The following METTL14 variants were observed in gnomAD, a reference collection of about 807,000 sequenced individuals.
METTL14 encodes the protein methyltransferase 14, N6-adenosine-methyltransferase non-catalytic subunit.
Under a neutral mutation model 62.4 loss-of-function variants are expected in METTL14, and 32 were observed. The ratio of observed to expected loss-of-function variants is 0.51; its 90% CI spans 0.39 to 0.69. The LOEUF is 0.69. Among genes scored for constraint, METTL14 ranks in the 30% least tolerant of loss-of-function variants. The pLI is 0.00. For missense variants in METTL14, 340 were observed against 551.9 expected, an observed-to-expected ratio of 0.62 and a Z score of 3.85; for synonymous variants, 150 against 180.0, an observed-to-expected ratio of 0.83 and a Z score of 1.34.
In METTL14 at chr4:118,712,150, A is replaced by G. The variant is rs1724939713; in HGVS notation, c.*1848A>G. The G allele has an allele frequency of 1.3e-5, 2 of 152,242 alleles. No homozygotes were observed. The allele number at this position is 152,242 out of a possible 1,614,324, so 9.4% of individuals were successfully genotyped here. The stretch of plus-strand genomic sequence containing the variant: ...CAATGAATCTGGCCTTTTTAATAGC[A>G]GGATGGAATTGATTCACTAGTTTTT... On this transcript the variant is annotated 3_prime_UTR_variant, in exon 11 of 11. Coordinates refer to ENST00000388822, the MANE Select transcript of METTL14 (RefSeq NM_020961.4).
intron 8 of METTL14, among the ~76,000 whole-genome samples, chr4:118,701,173 G>GTTTTTTTTTTTTTTT (rs370557403): frequency 3.5e-5 from 4 of 114,108 alleles, no homozygotes; most frequent in African/African-American, 8.8e-5. Flanking sequence ...TTTTATTGGA[G>GTTTTTTTTTTTTTTT]TTTTTTTTTG....
Position 118,700,778 on chromosome 4 carries a change from A to G in METTL14, c.738+136A>G. On this transcript the variant is annotated intron_variant, in intron 8 of 10. Transcript: ENST00000388822. The stretch of plus-strand genomic sequence containing the variant: ...ATAATTCTAAAATAGTGAGAAAAAA[A>G]AAATGTCCAGAAAAGAACGTAAGAA... 2 of 586,918 alleles carry G rather than the reference A, an allele frequency of 3.4e-6. 1 individual carries two copies. The highest frequency in any genetic ancestry group is 5.9e-5 in the South Asian group (2 of 33,670). 36.4% of individuals were successfully genotyped at this position (586,918 alleles called of 1,614,324 possible).
At chr4:118,709,415 G>A (rs1180295279) in intron 10 of METTL14, among the ~76,000 whole-genome samples, 1 of 152,108 alleles carries the variant, frequency 6.6e-6, no homozygotes. Context: ...TATAGGTTGG[G>A]AGATCATTAC....
intron 6 of METTL14, 42 bp downstream of exon 6, chr4:118,694,568 C>A: frequency 2.1e-6 from 3 of 1,424,628 alleles, no homozygotes; most frequent in Non-Finnish European, 3.0e-6. Flanking sequence ...CCAACTCAGG[C>A]TTAAAGTATC....
Position 118,685,416 on chromosome 4 carries a change from A to C in METTL14, c.-119A>C. On this transcript the variant is annotated 5_prime_UTR_variant, in exon 1 of 11. Transcript: ENST00000388822. ...GAAGTCTCTACTGAGGAAAGCTATG[A>C]GGATACTCTGTTCGTAAGCTCCCGG... The C allele has an allele frequency of 3.0e-6, 3 of 1,012,688 alleles. No homozygotes were observed. Among genetic ancestry groups the C allele is most frequent in the Middle Eastern group, 2.1e-4 (1 of 4,852 alleles). 62.7% of individuals were successfully genotyped at this position (1,012,688 alleles called of 1,614,324 possible).
At chr4:118,692,105 T>C (rs1291598080) in intron 5 of METTL14, 37 bp downstream of exon 5, 3 of 1,184,404 alleles carry the variant, frequency 2.5e-6, no homozygotes, top group South Asian at 2.7e-5. Context: ...TATTGCTGAC[T>C]CTCAATTACA....
chr4:118,705,491 CTG>C, intron 9 of METTL14, 118 bp from the exon 10 acceptor site: 1 of 822,062 alleles, frequency 1.2e-6, no homozygotes, highest in South Asian at 1.7e-5. Flanking sequence ...AGAGAAATAA[CTG>C]TATCCCAAAG....
chr4:118,689,920 G>A (rs113238365), intron 3 of METTL14, among the ~76,000 whole-genome samples: 2,048 of 151,786 alleles, frequency 0.013, 45 homozygotes, highest in African/African-American at 0.047. Flanking sequence ...TTATAGGTGT[G>A]AGCCACCGTG....
At chr4:118,699,022 C>G (rs533315887) in intron 7 of METTL14, among the ~76,000 whole-genome samples, 1 of 151,942 alleles carries the variant, frequency 6.6e-6, no homozygotes, top group Non-Finnish European at 1.5e-5. Context: ...TGAAGAGAAC[C>G]AGGAGAGTAT....
At position 118,712,643 on chromosome 4, in the gene METTL14, A is replaced by T. The variant is rs571854804; in HGVS notation, c.*2341A>T. On this transcript the variant is annotated 3_prime_UTR_variant, in exon 11 of 11. Transcript: ENST00000388822. ...TCAAAAAAAAAAAAAAAAATTGTAT[A>T]GAAATAAATTTTTAGTTGCTTTATG... 2.6e-5 allele frequency: 4 copies of T among 152,188 alleles called. No homozygotes were observed. In the East Asian group the frequency reaches 7.7e-4, roughly 29 times the overall value. 9.4% of individuals were successfully genotyped at this position (152,188 alleles called of 1,614,324 possible).
chr4:118,697,415 T>C, intron 7 of METTL14, 92 bp downstream of exon 7: 1 of 1,134,580 alleles, frequency 8.8e-7, no homozygotes, highest in Admixed American at 2.9e-5. Context: ...ATATCATCCC[T>C]ACTTTTGTAG....
At position 118,715,038 on chromosome 4, in the gene METTL14, A is replaced by C. The variant is rs907252317; in HGVS notation, c.*4736A>C. 6.6e-6 allele frequency: 1 copy of C among 152,264 alleles called. No homozygotes were observed. Among genetic ancestry groups the C allele is most frequent in the Non-Finnish European group, 1.5e-5 (1 of 68,044 alleles). 9.4% of individuals were successfully genotyped at this position (152,264 alleles called of 1,614,324 possible). ...GTTGGCTTACTTTGGAACACACAGT[A>C]GACTGAAAATGTGAACTAATACTTT... On this transcript the variant is annotated 3_prime_UTR_variant, in exon 11 of 11. Coordinates refer to ENST00000388822, the MANE Select transcript of METTL14 (RefSeq NM_020961.4).
intron 3 of METTL14, among the ~76,000 whole-genome samples, chr4:118,690,680 A>G (rs906961814): frequency 1.2e-4 from 18 of 150,920 alleles, no homozygotes; most frequent in Non-Finnish European, 1.5e-5. Context: ...TCTGTCTCAA[A>G]AAAAAAAAAA....
At chr4:118,703,476 T>G (rs1724664366) in intron 8 of METTL14, among the ~76,000 whole-genome samples, 1 of 152,222 alleles carries the variant, frequency 6.6e-6, no homozygotes, top group Non-Finnish European at 1.5e-5. Flanking sequence ...AAAATAGAAA[T>G]AAGATTTTAT....
Position 118,710,273 on chromosome 4 carries a change from G to T in METTL14, c.1342G>T (p.Ala448Ser), listed in dbSNP as rs1184657880. The T allele has an allele frequency of 6.2e-7, 1 of 1,613,504 alleles. No individual in the cohort carries two copies. Among genetic ancestry groups the T allele is most frequent in the Non-Finnish European group, 8.5e-7 (1 of 1,179,802 alleles). Residue 448 changes from alanine (A) to serine (S), a missense_variant, in exon 11 of 11, where the codon GCA (alanine) becomes TCA (serine). This residue lies in a region of METTL14 where 44 missense variants were observed against 56.4 expected (regional missense o/e 0.78). Transcript: ENST00000388822. ...RGGFRGGRGG[A>S]HRGGFPPR ...TGGCTTTAGAGGGGGCCGTGGAGGA[G>T]CACACAGAGGTGGCTTTCCACCTCG...
chr4:118,693,949 T>G (rs1021496328), intron 5 of METTL14, among the ~76,000 whole-genome samples: 13 of 152,156 alleles, frequency 8.5e-5, no homozygotes, highest in African/African-American at 3.1e-4. Flanking sequence ...ATATAATTTA[T>G]GTTGTTATAA....
At chr4:118,692,745 T>C (rs796864747) in intron 5 of METTL14, among the ~76,000 whole-genome samples, 14 of 152,280 alleles carry the variant, frequency 9.2e-5, no homozygotes, top group African/African-American at 3.1e-4. Flanking sequence ...ATTGTGCAAC[T>C]ATTTTCACAA....
At position 118,700,400 on chromosome 4, in the gene METTL14, G is replaced by T. The variant is rs540038056; in HGVS notation, c.646-150G>T. On this transcript the variant is annotated intron_variant, in intron 7 of 10. Transcript: ENST00000388822. ...AAAACAATAGAACGAGTAATTTTAA[G>T]GATAACATTTATTTTCTGTTAGTTC... is the stretch of plus-strand genomic sequence containing the variant. The T allele has an allele frequency of 2.3e-5, 13 of 575,956 alleles. No homozygotes were observed. The East Asian group carries it at 4.0e-4, about 18-fold the overall frequency. The allele number at this position is 575,956 out of a possible 1,614,324, so 35.7% of individuals were successfully genotyped here. A position where few individuals can be genotyped will look rare whatever the true frequency, so the allele number is the denominator to read the frequency against.
rs147684395 is a variant in METTL14 at position 118,714,972 on chromosome 4, C to T, written c.*4670C>T. ...AAAAAAGAGGAAAAAAGGTTACTTG[C>T]TTGAGACAGGAAACTATCACCTTTG... On this transcript the variant is annotated 3_prime_UTR_variant, in exon 11 of 11. Transcript: ENST00000388822. 6.6e-6 allele frequency: 1 copy of T among 152,324 alleles called. No individual in the cohort carries two copies. The highest frequency in any genetic ancestry group is 6.5e-5 in the Admixed American group (1 of 15,300). The allele number at this position is 152,324 out of a possible 1,614,324, so 9.4% of individuals were successfully genotyped here.
Sources: allele counts gnomAD v4.1 joint callset (sites outside exome capture counted in the v4.1 genomes callset), GRCh38; gene constraint gnomAD v4.1.1; regional missense constraint gnomAD v4.1.1; transcripts MANE v1.5; gene names NCBI Gene and HGNC (gene_info 2026-07-23, HGNC 2026-07-21).